Variants in MAP2 observed in about 807,000 individuals in gnomAD.
The protein encoded by MAP2 is microtubule associated protein 2.
Under a neutral mutation model 137.6 loss-of-function variants are expected in MAP2, and 14 were observed. The observed-to-expected ratio is 0.10, with a 90% CI of 0.07 to 0.16. MAP2 has a LOEUF of 0.16. Ranked by LOEUF, MAP2 falls within the 10% of genes least tolerant of loss-of-function variation. The probability of loss-of-function intolerance (pLI) is 1.00; values close to 1 mark genes in which losing one functional copy is unlikely to be tolerated. For synonymous variants in MAP2, 786 were observed against 782.3 expected, an observed-to-expected ratio of 1.00 and a Z score of -0.08; for missense variants, 2,088 against 2,191.5, an observed-to-expected ratio of 0.95 and a Z score of 0.94.
At chr2:209,701,837 A>G (rs2061841243) in intron 11 of MAP2, among the ~76,000 whole-genome samples, 1 of 152,052 alleles carries the variant, frequency 6.6e-6, no homozygotes. Flanking sequence ...TTCCAAATTA[A>G]TGATGTATGG....
chr2:209,728,692 G>A (rs2075009748), intron 14 of MAP2, among the ~76,000 whole-genome samples: 1 of 152,102 alleles, frequency 6.6e-6, no homozygotes, highest in Admixed American at 6.6e-5. Flanking sequence ...ATCCAAAATT[G>A]CAAAATCTCT....
At chr2:209,485,438 C>T (rs1294075557) in intron 1 of MAP2, among the ~76,000 whole-genome samples, 1 of 152,070 alleles carries the variant, frequency 6.6e-6, no homozygotes, top group Non-Finnish European at 1.5e-5. Flanking sequence ...ATTGAAAACA[C>T]TTTATTGAAT....
intron 1 of MAP2, among the ~76,000 whole-genome samples, chr2:209,438,695 A>G (rs1349700800): frequency 6.6e-6 from 1 of 151,430 alleles, no homozygotes; most frequent in Non-Finnish European, 1.5e-5. Flanking sequence ...GAAAAGTACT[A>G]TTGGCTTAAA....
chr2:209,728,984 C>T (rs1163228648), intron 14 of MAP2, among the ~76,000 whole-genome samples: 1 of 152,186 alleles, frequency 6.6e-6, no homozygotes, highest in Non-Finnish European at 1.5e-5. Context: ...TCAGCAGACA[C>T]TCAGAAATGG....
intron 1 of MAP2, among the ~76,000 whole-genome samples, chr2:209,491,087 C>G (rs1288714961): frequency 3.3e-5 from 5 of 151,372 alleles, no homozygotes; most frequent in Non-Finnish European, 7.4e-5. Context: ...GAACACAAAT[C>G]ATAACAGTCT....
rs1004438742 is a variant in MAP2, at chr2:209,654,760, G to A, written c.262+1328G>A. Among the ~76,000 whole-genome samples, 9 of 152,166 alleles carry A rather than the reference G, an allele frequency of 5.9e-5. 1 individual carries two copies. The highest frequency in any genetic ancestry group is 2.2e-4 in the African/African-American group (9 of 41,432). ...TTGATTGTGAGGAAGAAAAGAGTTAGTATGATATGTCAAGGTTTTTTTCAT... is the reference window on the plus strand; with the variant it reads ...TTGATTGTGAGGAAGAAAAGAGTTAATATGATATGTCAAGGTTTTTTTCAT... On this transcript the variant is annotated intron_variant, in intron 5 of 15. Transcript: ENST00000682079.
intron 1 of MAP2, among the ~76,000 whole-genome samples, chr2:209,475,572 G>A (rs935473761): frequency 1.3e-5 from 2 of 152,070 alleles, no homozygotes; most frequent in Non-Finnish European, 2.9e-5. Context: ...ATATAAAATA[G>A]TGAAGTACAG....
At chr2:209,495,040 A>G (rs1215726014) in intron 1 of MAP2, among the ~76,000 whole-genome samples, 1 of 152,238 alleles carries the variant, frequency 6.6e-6, no homozygotes, top group Non-Finnish European at 1.5e-5. Flanking sequence ...TCTTTGCCTT[A>G]ATAAAAGACA....
intron 4 of MAP2, among the ~76,000 whole-genome samples, chr2:209,637,068 AC>A (rs1485402957): frequency 6.6e-6 from 1 of 152,114 alleles, no homozygotes; most frequent in East Asian, 1.9e-4. Flanking sequence ...CTCAGAACCT[AC>A]CTGAATAGTA....
intron 4 of MAP2, among the ~76,000 whole-genome samples, chr2:209,631,800 A>G (rs770597342): frequency 2.0e-5 from 3 of 152,166 alleles, no homozygotes; most frequent in African/African-American, 4.8e-5. Flanking sequence ...TCTCTGTTCT[A>G]TAAAGCATGA....
At chr2:209,580,920 A>T (rs879364684) in intron 3 of MAP2, among the ~76,000 whole-genome samples, 9 of 152,210 alleles carry the variant, frequency 5.9e-5, no homozygotes, top group Non-Finnish European at 1.3e-4. Context: ...TAAAAAATGG[A>T]AGACATTTTC....
intron 5 of MAP2, 40 bp downstream of exon 5, chr2:209,653,472 G>T: frequency 6.5e-7 from 1 of 1,537,856 alleles, no homozygotes; most frequent in Non-Finnish European, 8.7e-7. Context: ...CTTGCTTTGT[G>T]CTTTGAAGTC....
intron 15 of MAP2, 95 bp downstream of exon 15, chr2:209,730,057 C>A: frequency 1.7e-6 from 2 of 1,166,350 alleles, no homozygotes; most frequent in Non-Finnish European, 2.5e-6. Flanking sequence ...TAGACCTGGA[C>A]AAATAAGAAG....
At chr2:209,660,867 T>C (rs1039446261) in intron 5 of MAP2, among the ~76,000 whole-genome samples, 1 of 150,030 alleles carries the variant, frequency 6.7e-6, no homozygotes, top group Non-Finnish European at 1.5e-5. Flanking sequence ...CCCGAGTAAC[T>C]GGGACTACAG....
At chr2:209,435,650 A>G (rs1695740786) in intron 1 of MAP2, among the ~76,000 whole-genome samples, 2 of 151,682 alleles carry the variant, frequency 1.3e-5, no homozygotes, top group African/African-American at 4.8e-5. Context: ...CAGATTAGCA[A>G]GAAAAATTTG....
At chr2:209,685,751 TAAATGCTATAGATCTGAAGCA>T (rs2056780219) in intron 7 of MAP2, among the ~76,000 whole-genome samples, 1 of 152,198 alleles carries the variant, frequency 6.6e-6, no homozygotes, top group Non-Finnish European at 1.5e-5. Flanking sequence ...ACCATTTTTT[TAAATGCTATAGATCTGAAGCA>T]AGGCTCTGGA....
intron 5 of MAP2, among the ~76,000 whole-genome samples, chr2:209,664,650 A>G (rs2045393483): frequency 6.6e-6 from 1 of 152,132 alleles, no homozygotes; most frequent in African/African-American, 2.4e-5. Context: ...ATTGTGAACA[A>G]TAAATTTGCA....
chr2:209,513,866 C>T (rs1469859752), intron 2 of MAP2, among the ~76,000 whole-genome samples: 1 of 152,066 alleles, frequency 6.6e-6, no homozygotes, highest in Non-Finnish European at 1.5e-5. Context: ...AACCCCCTCC[C>T]CACCTCTCCT....
Position 209,589,315 on chromosome 2 carries a change from A to G in MAP2, c.-107+9215A>G, listed in dbSNP as rs907138491. On this transcript the variant is annotated intron_variant, in intron 3 of 15. Transcript: ENST00000682079. ...TAGATGAAAATACTGAAGTTTGAAGAATGCAAGTGTCCTACTCAAGTCAAT... is the reference window on the plus strand; with the variant it reads ...TAGATGAAAATACTGAAGTTTGAAGGATGCAAGTGTCCTACTCAAGTCAAT... 6.6e-5 allele frequency among the ~76,000 whole-genome samples: 10 copies of G among 152,198 alleles called. 1 individual carries two copies. The highest frequency in any genetic ancestry group is 2.6e-4 in the Admixed American group (4 of 15,274).
Sources: allele counts gnomAD v4.1 joint callset (sites outside exome capture counted in the v4.1 genomes callset), GRCh38; gene constraint gnomAD v4.1.1; transcripts MANE v1.5; gene names NCBI Gene and HGNC (gene_info 2026-07-23, HGNC 2026-07-21).